Variants in LRRC56 observed in about 807,000 individuals in gnomAD.
The protein encoded by LRRC56 is leucine-rich repeat-containing protein 56.
A neutral mutation model predicts 47.8 loss-of-function variants in LRRC56; 41 were observed. That is an observed-to-expected ratio of 0.86 (90% CI 0.67 to 1.11). LRRC56 has a LOEUF of 1.11. Among genes scored for constraint, LRRC56 ranks in the 50% most tolerant of loss-of-function variants. LRRC56 has a pLI of 0.00. For synonymous variants in LRRC56, 387 were observed against 311.2 expected, an observed-to-expected ratio of 1.24 and a Z score of -2.56; for missense variants, 759 against 704.2, an observed-to-expected ratio of 1.08 and a Z score of -0.88.
the LRRC56 span, among the ~76,000 whole-genome samples, chr11:518,951 C>G: frequency 1.3e-5 from 2 of 151,912 alleles, no homozygotes; most frequent in African/African-American, 2.4e-5. Flanking sequence ...CGCCCCCAAA[C>G]CGAGGGGAAC....
At position 541,427 on chromosome 11, in the gene LRRC56, A is replaced by T. The variant is rs1017125910; in HGVS notation, c.178-110A>T. ...GGGCCAACATGGCCCAGGCAGGGAA[A>T]CGTCGGTGCCTGCTCCAGCGGGAGC... On this transcript the variant is annotated intron_variant, in intron 4 of 13. Transcript: ENST00000270115. This position sits in a 1 kb window ranked among gnomAD's most constrained non-coding sequence, Gnocchi z 4.1. The T allele has an allele frequency of 5.4e-6, 3 of 556,320 alleles. No homozygotes were observed. Among genetic ancestry groups the T allele is most frequent in the African/African-American group, 3.9e-5 (2 of 51,272 alleles). The allele number at this position is 556,320 out of a possible 1,614,324, so 34.5% of individuals were successfully genotyped here. A position where few individuals can be genotyped will look rare whatever the true frequency, so the allele number is the denominator to read the frequency against.
the LRRC56 span, among the ~76,000 whole-genome samples, chr11:518,187 A>T: frequency 0.014 from 2,037 of 147,514 alleles, 33 homozygotes; most frequent in African/African-American, 0.041. Flanking sequence ...TAATAATAAA[A>T]TTTTTTTTTT....
rs1209421840 is a variant in LRRC56 at position 554,021 on chromosome 11, A to C, written c.1374A>C (p.Pro458=). The change falls in exon 14 of 14, where the codon CCA becomes CCC. Residue 458 remains proline (P), a synonymous_variant. Transcript: ENST00000270115. ...LVPSPPKHPR[P]RDSGSSSPRW... ...CTTCACCTCCCAAGCACCCAAGGCC[A>C]CGAGATTCTGGCAGCAGCTCCCCGC... 2.5e-6 allele frequency: 4 copies of C among 1,612,194 alleles called. No homozygotes were observed. The highest frequency in any genetic ancestry group is 3.4e-6 in the Non-Finnish European group (4 of 1,179,732).
chr11:514,846 C>A, the LRRC56 span, among the ~76,000 whole-genome samples: 1 of 152,068 alleles, frequency 6.6e-6, no homozygotes, highest in African/African-American at 2.4e-5. Flanking sequence ...CCGTGGTAAC[C>A]CAGGCCCGCC....
the LRRC56 span, chr11:528,378 G>A: frequency 5.9e-5 from 9 of 152,266 alleles, no homozygotes; most frequent in Non-Finnish European, 8.8e-5. Flanking sequence ...CCACCCCCTC[G>A]GCAGCCCAGC....
At chr11:526,167 A>G in the LRRC56 span, among the ~76,000 whole-genome samples, 3 of 152,196 alleles carry the variant, frequency 2.0e-5, no homozygotes, top group Middle Eastern at 3.2e-3. Context: ...AGATCGCACC[A>G]CTGCACTCCA....
the LRRC56 span, among the ~76,000 whole-genome samples, chr11:514,877 C>T: frequency 3.3e-5 from 5 of 152,088 alleles, no homozygotes; most frequent in Admixed American, 1.3e-4. Context: ...TCCAGCACTA[C>T]CGAGGTTGAC....
chr11:533,953 G>C (rs1851288449), upstream of LRRC56: 3 of 1,609,406 alleles, frequency 1.9e-6, no homozygotes, highest in East Asian at 2.2e-5. Flanking sequence ...TCCTGCAGGA[G>C]GACAGGGCTC....
At chr11:540,913 T>C in intron 4 of LRRC56, 52 bp downstream of exon 4, 1 of 1,364,646 alleles carries the variant, frequency 7.3e-7, no homozygotes, top group Non-Finnish European at 9.9e-7. Context: ...TGGGGTGACA[T>C]CCCAGGGCTC....
intron 13 of LRRC56, among the ~76,000 whole-genome samples, chr11:553,290 G>C (rs1163162171): frequency 2.0e-5 from 3 of 152,338 alleles, no homozygotes; most frequent in Admixed American, 2.0e-4. Flanking sequence ...CGGGCAGGGG[G>C]CAGTGTAAGC....
chr11:508,015 A>T, the LRRC56 span, among the ~76,000 whole-genome samples: 1 of 152,214 alleles, frequency 6.6e-6, no homozygotes, highest in African/African-American at 2.4e-5. Context: ...AAGCGACCCC[A>T]CCTCCACAAA....
At chr11:509,489 C>A in the LRRC56 span, among the ~76,000 whole-genome samples, 2 of 152,186 alleles carry the variant, frequency 1.3e-5, no homozygotes, top group South Asian at 2.1e-4. Context: ...AGCATGGTGT[C>A]TGTGGCCGGG....
intron 5 of LRRC56, among the ~76,000 whole-genome samples, chr11:542,580 CA>C (rs71022928): frequency 3.3e-3 from 85 of 26,006 alleles, no homozygotes; most frequent in East Asian, 0.02. Context: ...AACCCTGTCG[CA>C]AAAAAAAAAA....
intron 6 of LRRC56, among the ~76,000 whole-genome samples, chr11:548,427 T>C (rs1237586384): frequency 1.3e-5 from 2 of 151,744 alleles, no homozygotes; most frequent in Non-Finnish European, 2.9e-5. Context: ...ATTACAGGCA[T>C]GAAGCACTGT....
In LRRC56 at chr11:550,345, C is replaced by T. The variant is rs1383622902; in HGVS notation, c.624+73C>T. On this transcript the variant is annotated intron_variant, in intron 8 of 13. Transcript: ENST00000270115. ...TCCCTGTGGCTCCAGCCCCGGGGCC[C>T]CTCCTCTGGCCAGGTACTTCTGTGC... 1.4e-5 allele frequency: 20 copies of T among 1,386,808 alleles called. No individual in the cohort carries two copies. In the African/African-American group the frequency reaches 2.9e-4, roughly 20 times the overall value. The allele number at this position is 1,386,808 out of a possible 1,614,324, so 85.9% of individuals were successfully genotyped here.
Position 550,113 on chromosome 11 carries a change from A to G in LRRC56, c.465A>G (p.Pro155=), listed in dbSNP as rs1247044395. Residue 155 remains proline (P), a synonymous_variant, in exon 8 of 14, where the codon CCA becomes CCG. Transcript: ENST00000270115. ...ASYNNISDLS[P]LCLLEQLEVL... is the part of the protein sequence containing the mutation. ...ACAACAACATCTCGGACCTGAGCCC[A>G]CTGTGCCTGCTGGAACAATTGGAGG... 2 of 1,613,438 alleles carry G rather than the reference A, an allele frequency of 1.2e-6. No homozygotes were observed. Among genetic ancestry groups the G allele is most frequent in the Non-Finnish European group, 1.7e-6 (2 of 1,179,834 alleles).
chr11:513,485 C>T, the LRRC56 span, among the ~76,000 whole-genome samples: 87 of 152,202 alleles, frequency 5.7e-4, no homozygotes, highest in African/African-American at 1.9e-3. Context: ...ATGGAATCTG[C>T]GCCTGGTGAA....
intron 3 of LRRC56, among the ~76,000 whole-genome samples, chr11:540,220 T>A (rs951355008): frequency 1.2e-3 from 176 of 152,260 alleles, no homozygotes; most frequent in African/African-American, 4.1e-3. Flanking sequence ...GCCTGGGACT[T>A]GATCCTGGAC....
rs1261092913 is a variant in LRRC56 at position 541,108 on chromosome 11, G to A, written c.177+247G>A. 2.0e-5 allele frequency among the ~76,000 whole-genome samples: 3 copies of A among 152,250 alleles called. No homozygotes were observed. The highest frequency in any genetic ancestry group is 4.1e-4 in the South Asian group (2 of 4,830). ...TGACACAGACGTCCCCAGGCATTTGGGTCACAGACAGGACTGAGCCAGGCC... is the reference window on the plus strand; with the variant it reads ...TGACACAGACGTCCCCAGGCATTTGAGTCACAGACAGGACTGAGCCAGGCC... On this transcript the variant is annotated intron_variant, in intron 4 of 13. Transcript: ENST00000270115. This position sits in a 1 kb window ranked among gnomAD's most constrained non-coding sequence, Gnocchi z 4.1.
Sources: gnomAD v4.1 joint callset for allele counts (sites outside exome capture counted in the v4.1 genomes callset) on GRCh38, gnomAD v4.1.1 for gene constraint, Gnocchi (gnomAD v3.1) non-coding constraint, MANE v1.5 for transcripts, NCBI Gene and HGNC (gene_info 2026-07-23, HGNC 2026-07-21) for gene names.